Variants in GBP2 observed in about 807,000 individuals in gnomAD.
The protein encoded by GBP2 is guanylate binding protein 2.
A neutral mutation model predicts 60.8 loss-of-function variants in GBP2; 54 were observed. That is an observed-to-expected ratio of 0.89 (90% confidence interval 0.71 to 1.11). The LOEUF (loss-of-function observed/expected upper bound fraction) is 1.11, where lower values mean the gene tolerates loss of function less well. Among genes scored for constraint, GBP2 ranks in the 50% most tolerant of loss-of-function variants. GBP2 has a pLI of 0.00. For missense variants in GBP2, 665 were observed against 703.3 expected, an observed-to-expected ratio of 0.95 and a Z score of 0.62; for synonymous variants, 243 against 256.5, an observed-to-expected ratio of 0.95 and a Z score of 0.50.
chr1:89,112,744 T>C (rs1293280767), intron 7 of GBP2, 60 bp from the exon 8 acceptor site: 3 of 1,351,460 alleles, frequency 2.2e-6, no homozygotes, highest in Non-Finnish European at 3.2e-6. Flanking sequence ...ATGTTAACTA[T>C]GTGGAGACTG....
chr1:89,117,502 G>C, intron 5 of GBP2, 75 bp downstream of exon 5: 1 of 1,242,608 alleles, frequency 8.0e-7, no homozygotes, highest in Non-Finnish European at 1.2e-6. Flanking sequence ...ATAATTTTTA[G>C]CACTGCACAG....
At position 89,121,776 on chromosome 1, in the gene GBP2, C is replaced by T. The variant is rs766582733; in HGVS notation, c.190+1G>A. On this transcript the variant is annotated splice_donor_variant, in intron 2 of 10. Transcript: ENST00000370466. LOFTEE classifies it high-confidence loss of function. ...CTTAGAGCTTTGCTGGTGTCACTCACCGTTTTTCTTCCCAGCCAGCTTGTT... is the reference window on the plus strand; with the variant it reads ...CTTAGAGCTTTGCTGGTGTCACTCATCGTTTTTCTTCCCAGCCAGCTTGTT... The T allele has an allele frequency of 1.8e-5, 29 of 1,613,566 alleles. No homozygotes were observed. Among genetic ancestry groups the T allele is most frequent in the Non-Finnish European group, 2.5e-5 (29 of 1,179,638 alleles).
intron 6 of GBP2, 24 bp downstream of exon 6, chr1:89,116,967 GA>G (rs778174916): frequency 6.2e-7 from 1 of 1,612,400 alleles, no homozygotes; most frequent in Non-Finnish European, 8.5e-7. Flanking sequence ...GTCCAGGTAG[GA>G]AGTGGGTAGA....
At chr1:89,124,717 T>A (rs1681484833) in intron 1 of GBP2, among the ~76,000 whole-genome samples, 1 of 152,204 alleles carries the variant, frequency 6.6e-6, no homozygotes, top group Non-Finnish European at 1.5e-5. Flanking sequence ...ACATCACTTG[T>A]TCTTAATATT....
At chr1:89,110,318 C>G in intron 8 of GBP2, 52 bp from the exon 9 acceptor site, 1 of 1,341,524 alleles carries the variant, frequency 7.5e-7, no homozygotes, top group South Asian at 1.2e-5. Flanking sequence ...TGGGTTAGAT[C>G]CAGCAATCCC....
rs539036266 is a variant in GBP2 at position 89,120,065 on chromosome 1, A to C, written c.428+114T>G. 14 of 701,970 alleles carry C rather than the reference A, an allele frequency of 2.0e-5. No individual in the cohort carries two copies. In the African/African-American group the frequency reaches 2.3e-4, roughly 12 times the overall value. The allele number at this position is 701,970 out of a possible 1,614,324, so 43.5% of individuals were successfully genotyped here. On this transcript the variant is annotated intron_variant, in intron 4 of 10. Transcript: ENST00000370466. ...GATGTTCAGCATAATGAGATTTATT[A>C]AAGAGAGGACTTATGAATTCTTCAG...
chr1:89,112,389 A>T, intron 8 of GBP2, 83 bp downstream of exon 8: 4 of 1,086,894 alleles, frequency 3.7e-6, no homozygotes, highest in Non-Finnish European at 5.5e-6. Flanking sequence ...CACCAGTTGC[A>T]GTGCCATTTA....
In GBP2 at chr1:89,109,592, T is replaced by C. The variant is rs546975340; in HGVS notation, c.1659+85A>G. On this transcript the variant is annotated intron_variant, in intron 10 of 10. Coordinates refer to ENST00000370466, the MANE Select transcript of GBP2 (RefSeq NM_004120.5). ...GTAGTGTCTGGGCTAGAAAGTTTTTTTGGGAGGCATTAGGTTCTCAACCTT... is the reference window on the plus strand; with the variant it reads ...GTAGTGTCTGGGCTAGAAAGTTTTTCTGGGAGGCATTAGGTTCTCAACCTT... The C allele has an allele frequency of 4.8e-4, 593 of 1,229,618 alleles. 2 individuals carry two copies. In the African/African-American group the frequency reaches 8.2e-3, roughly 17 times the overall value. 76.2% of individuals were successfully genotyped at this position (1,229,618 alleles called of 1,614,324 possible).
At chr1:89,117,460 G>T in intron 5 of GBP2, 117 bp downstream of exon 5, 2 of 1,027,396 alleles carry the variant, frequency 1.9e-6, no homozygotes, top group Non-Finnish European at 2.9e-6. Flanking sequence ...ATTTCCTCTA[G>T]CAGAACAGTC....
At chr1:89,123,685 T>A (rs1468376500) in intron 1 of GBP2, among the ~76,000 whole-genome samples, 1 of 152,212 alleles carries the variant, frequency 6.6e-6, no homozygotes, top group African/African-American at 2.4e-5. Flanking sequence ...TCCATTCTCT[T>A]TGGTGTAGTT....
chr1:89,116,916 A>T, intron 6 of GBP2, 76 bp downstream of exon 6: 1 of 1,481,650 alleles, frequency 6.7e-7, no homozygotes, highest in Non-Finnish European at 9.4e-7. Flanking sequence ...AGTGACCCTT[A>T]TGCTTTCCAT....
rs756205791 is a variant in GBP2 at position 89,116,973 on chromosome 1, G to A, written c.868+19C>T. The A allele has an allele frequency of 8.7e-6, 14 of 1,612,994 alleles. No homozygotes were observed. The highest frequency in any genetic ancestry group is 1.2e-5 in the Non-Finnish European group (14 of 1,179,174). ...AAGGAGAAAGTCCAGGTAGGAAGTG[G>A]GTAGAGAGAGTGACTCACGAGGCCC... On this transcript the variant is annotated intron_variant, in intron 6 of 10. Coordinates refer to ENST00000370466, the MANE Select transcript of GBP2 (RefSeq NM_004120.5).
chr1:89,109,758 C>T lies in GBP2; in HGVS notation c.1578G>A (p.Val526=). The T allele has an allele frequency of 1.2e-6, 2 of 1,614,094 alleles. No individual in the cohort carries two copies. Among genetic ancestry groups the T allele is most frequent in the Non-Finnish European group, 1.7e-6 (2 of 1,179,946 alleles). Reference sequence around the variant, plus strand: ...TCTCCATCTTCTCAGTCAATTGTTTCACATGTTCCTGATAACTCTTCTCTT... The same window carrying T: ...TCTCCATCTTCTCAGTCAATTGTTTTACATGTTCCTGATAACTCTTCTCTT... ...EQKEKSYQEH[V]KQLTEKMERD... is the part of the protein sequence containing the mutation. Residue 526 remains valine, a synonymous_variant, in exon 10 of 11, where the codon GTG becomes GTA. Transcript: ENST00000370466.
intron 8 of GBP2, 45 bp from the exon 9 acceptor site, chr1:89,110,311 G>A: frequency 6.9e-7 from 1 of 1,450,116 alleles, no homozygotes; most frequent in Non-Finnish European, 9.7e-7. Flanking sequence ...GTGATTGTGG[G>A]TTAGATCCAG....
intron 10 of GBP2, 31 bp downstream of exon 10, chr1:89,109,646 A>G (rs1468513260): frequency 6.2e-7 from 1 of 1,600,934 alleles, no homozygotes; most frequent in South Asian, 1.1e-5. Context: ...GGGGCACTGG[A>G]AGAGAAAATT....
intron 6 of GBP2, among the ~76,000 whole-genome samples, chr1:89,115,562 T>C (rs1681252911): frequency 6.6e-6 from 1 of 152,198 alleles, no homozygotes; most frequent in African/African-American, 2.4e-5. Flanking sequence ...ACCACTCTTA[T>C]TCAGTCTTCT....
At chr1:89,116,534 C>A (rs1681276881) in intron 6 of GBP2, among the ~76,000 whole-genome samples, 1 of 151,320 alleles carries the variant, frequency 6.6e-6, no homozygotes, top group East Asian at 1.9e-4. Context: ...GGATAAAAGT[C>A]ACATTTCTTT....
At chr1:89,114,826 G>A (rs1197572116) in intron 6 of GBP2, among the ~76,000 whole-genome samples, 1 of 152,100 alleles carries the variant, frequency 6.6e-6, no homozygotes, top group Non-Finnish European at 1.5e-5. Context: ...CCTCATCTTA[G>A]GCAAACTGGA....
In GBP2 at chr1:89,110,137, A is replaced by G. The variant is rs190165784; in HGVS notation, c.1465+27T>C. 1.7e-4 allele frequency: 262 copies of G among 1,524,568 alleles called. 1 individual carries two copies. In the Middle Eastern group the frequency reaches 2.2e-3, roughly 13 times the overall value. The allele number at this position is 1,524,568 out of a possible 1,614,324, so 94.4% of individuals were successfully genotyped here. On this transcript the variant is annotated intron_variant, in intron 9 of 10. Coordinates refer to ENST00000370466, the MANE Select transcript of GBP2 (RefSeq NM_004120.5). ...CTAACATTTTGAGAGCTTTCCGACC[A>G]TGTAGAGTGTTTTCAGCTGTTCTCA...
Sources: allele counts gnomAD v4.1 joint callset (sites outside exome capture counted in the v4.1 genomes callset), GRCh38; gene constraint gnomAD v4.1.1; transcripts MANE v1.5; gene names NCBI Gene and HGNC (gene_info 2026-07-23, HGNC 2026-07-21).